ST3GAL3: variants seen among roughly 807,000 people sequenced by gnomAD.
The protein encoded by ST3GAL3 is ST3 beta-galactoside alpha-2,3-sialyltransferase 3.
Under a neutral mutation model 50.1 loss-of-function variants are expected in ST3GAL3, and 21 were observed. The observed-to-expected ratio is 0.42, with a 90% CI of 0.30 to 0.60. The LOEUF (loss-of-function observed/expected upper bound fraction) is 0.60, where lower values mean the gene tolerates loss of function less well. Ranked by LOEUF, ST3GAL3 falls within the 20% of genes least tolerant of loss-of-function variation. ST3GAL3 has a pLI of 0.19. For synonymous variants in ST3GAL3, 183 were observed against 190.0 expected (o/e 0.96, Z 0.30); for missense variants, 353 against 489.4 (o/e 0.72, Z 2.63).
At chr1:43,923,509 T>G (rs1275001229) in intron 11 of ST3GAL3, among the ~76,000 whole-genome samples, 1 of 152,074 alleles carries the variant, frequency 6.6e-6, no homozygotes, top group Non-Finnish European at 1.5e-5. Flanking sequence ...AAGATCAAGG[T>G]GCGGGAAGAT....
intron 5 of ST3GAL3, among the ~76,000 whole-genome samples, chr1:43,856,019 TAC>T (rs1373752900): frequency 6.6e-6 from 1 of 152,246 alleles, no homozygotes; most frequent in Non-Finnish European, 1.5e-5. Flanking sequence ...GATAATTGTG[TAC>T]ACCCAGGTTT....
chr1:43,745,791 G>A (rs1216304697), intron 2 of ST3GAL3, among the ~76,000 whole-genome samples: 2 of 152,104 alleles, frequency 1.3e-5, no homozygotes, highest in African/African-American at 2.4e-5. Flanking sequence ...ACCACACCCA[G>A]CTAATTTTTC....
At chr1:43,730,593 CAG>C (rs1294034655) in intron 1 of ST3GAL3, among the ~76,000 whole-genome samples, 158 of 118,852 alleles carry the variant, frequency 1.3e-3, no homozygotes, top group African/African-American at 5.1e-3. Context: ...TTTTTTTAGA[CAG>C]AGTCTTGCTC....
At chr1:43,852,311 C>T (rs182229700) in intron 5 of ST3GAL3, among the ~76,000 whole-genome samples, 15 of 152,308 alleles carry the variant, frequency 9.8e-5, no homozygotes, top group African/African-American at 3.4e-4. Flanking sequence ...ACTTGTTTTG[C>T]TCTAAATTTT....
intron 11 of ST3GAL3, 121 bp downstream of exon 11, chr1:43,921,049 C>A: frequency 8.3e-7 from 1 of 1,199,074 alleles, no homozygotes; most frequent in Non-Finnish European, 1.2e-6. Flanking sequence ...AAGGTCCTGA[C>A]ACCAAGCATC....
At chr1:43,842,371 T>A (rs1253817477) in intron 5 of ST3GAL3, 1 of 152,094 alleles carries the variant, frequency 6.6e-6, no homozygotes, top group African/African-American at 2.4e-5. Context: ...AAAAAAAAAA[T>A]CTGAGCTCTC....
intron 5 of ST3GAL3, among the ~76,000 whole-genome samples, chr1:43,845,481 C>T (rs993470591): frequency 9.2e-5 from 14 of 151,822 alleles, no homozygotes; most frequent in Non-Finnish European, 1.3e-4. Context: ...GAGACAGAGT[C>T]CTCTCTTTCA....
intron 11 of ST3GAL3, among the ~76,000 whole-genome samples, chr1:43,922,804 GAA>G (rs59235536): frequency 9.8e-5 from 11 of 111,950 alleles, no homozygotes; most frequent in African/African-American, 2.7e-4. Flanking sequence ...TCTCAAAAAA[GAA>G]AAAAAAAAAA....
intron 2 of ST3GAL3, among the ~76,000 whole-genome samples, chr1:43,770,149 A>G (rs1199651458): frequency 6.6e-6 from 1 of 151,606 alleles, no homozygotes; most frequent in Non-Finnish European, 1.5e-5. Flanking sequence ...AATCAAGCAG[A>G]ATATTCTCTA....
At chr1:43,783,372 A>G (rs1699971290) in intron 2 of ST3GAL3, among the ~76,000 whole-genome samples, 1 of 152,060 alleles carries the variant, frequency 6.6e-6, no homozygotes, top group African/African-American at 2.4e-5. Flanking sequence ...AGCAGCCTCC[A>G]TGCCTTTACC....
At chr1:43,919,203 A>C (rs1312658010) in intron 9 of ST3GAL3, 1 of 146,642 alleles carries the variant, frequency 6.8e-6, no homozygotes, top group Non-Finnish European at 1.5e-5. Flanking sequence ...TCAGCCTCCC[A>C]AGTAGCTGAG....
At chr1:43,810,273 A>C (rs1345204219) in intron 3 of ST3GAL3, among the ~76,000 whole-genome samples, 1 of 151,930 alleles carries the variant, frequency 6.6e-6, no homozygotes, top group Non-Finnish European at 1.5e-5. Context: ...TGTCATAAGC[A>C]CCCCCCTCTC....
chr1:43,824,373 A>T (rs1470373434), intron 4 of ST3GAL3, among the ~76,000 whole-genome samples: 3 of 152,092 alleles, frequency 2.0e-5, no homozygotes, highest in Non-Finnish European at 2.9e-5. Flanking sequence ...TAAAAAAAAA[A>T]AAAAGAGGAA....
chr1:43,826,533 T>TA (rs1279777531), intron 4 of ST3GAL3, among the ~76,000 whole-genome samples: 2 of 152,226 alleles, frequency 1.3e-5, no homozygotes, highest in Non-Finnish European at 2.9e-5. Flanking sequence ...ACCAGTTCTC[T>TA]ACAATGTCTT....
Position 43,920,477 on chromosome 1 carries a change from A to C in ST3GAL3, c.818A>C (p.Asn273Thr). 1 of 1,614,108 alleles carries C rather than the reference A, an allele frequency of 6.2e-7. No homozygotes were observed. Among genetic ancestry groups the C allele is most frequent in the Non-Finnish European group, 8.5e-7 (1 of 1,180,024 alleles). The change falls in exon 10 of 12, where the codon AAC (asparagine) becomes ACC (threonine). Residue 273 changes from asparagine to threonine, a missense_variant. Asn to Thr is a moderately conservative substitution (Grantham distance 65). Transcript: ENST00000347631. ...PKEPPEIRIL[N>T]PYFIQEAAFT... ...GAGCCCCCTGAGATTCGAATCCTCAACCCATATTTCATCCAGGAGGCCGCC... is the reference window on the plus strand; with the variant it reads ...GAGCCCCCTGAGATTCGAATCCTCACCCCATATTTCATCCAGGAGGCCGCC...
intron 5 of ST3GAL3, 78 bp from the exon 6 acceptor site, chr1:43,894,305 A>C (rs1570848105): frequency 7.0e-7 from 1 of 1,435,284 alleles, no homozygotes; most frequent in East Asian, 2.3e-5. Flanking sequence ...TCCTTTGCCA[A>C]GACCGACGTA....
intron 1 of ST3GAL3, among the ~76,000 whole-genome samples, chr1:43,735,221 C>T (rs190339885): frequency 7.2e-5 from 11 of 152,204 alleles, no homozygotes; most frequent in Non-Finnish European, 1.2e-4. Context: ...ATATCCACAC[C>T]GTAATCCCTG....
intron 5 of ST3GAL3, among the ~76,000 whole-genome samples, chr1:43,845,370 C>G (rs1489228664): frequency 1.3e-5 from 2 of 151,896 alleles, no homozygotes; most frequent in African/African-American, 2.4e-5. Context: ...TCTTTAGTAG[C>G]ATGTCTTTCA....
At chr1:43,735,961 G>T (rs997037700) in intron 1 of ST3GAL3, among the ~76,000 whole-genome samples, 14 of 152,184 alleles carry the variant, frequency 9.2e-5, no homozygotes, top group Admixed American at 9.2e-4. Context: ...AAAAATATCT[G>T]GGAGGCTGGA....
Sources: gnomAD v4.1 joint callset for allele counts (sites outside exome capture counted in the v4.1 genomes callset) on GRCh38, gnomAD v4.1.1 for gene constraint, MANE v1.5 for transcripts, NCBI Gene and HGNC (gene_info 2026-07-23, HGNC 2026-07-21) for gene names.